The following BPNT2 variants were observed in gnomAD, a reference collection of about 807,000 sequenced individuals.
BPNT2 encodes the protein Golgi-resident adenosine 3',5'-bisphosphate 3'-phosphatase.
A neutral mutation model predicts 29.3 loss-of-function variants in BPNT2; 11 were observed. The ratio of observed to expected loss-of-function variants is 0.38; its 90% CI spans 0.24 to 0.62. The LOEUF is 0.62. BPNT2 is among the 20% of genes least tolerant of loss of function. The probability of loss-of-function intolerance (pLI) is 0.62; values close to 1 mark genes in which losing one functional copy is unlikely to be tolerated. For synonymous variants in BPNT2, 195 were observed against 187.7 expected (o/e 1.04, Z -0.32); for missense variants, 459 against 473.4 (o/e 0.97, Z 0.28).
At chr8:56,964,319 G>A (rs1339683634) in intron 4 of BPNT2, 8 of 320,440 alleles carry the variant, frequency 2.5e-5, no homozygotes, top group Non-Finnish European at 3.5e-5. Flanking sequence ...TATTTTTTGA[G>A]ACAGAGTCTC....
chr8:56,969,954 G>A (rs538863936), intron 3 of BPNT2, among the ~76,000 whole-genome samples: 7 of 152,184 alleles, frequency 4.6e-5, no homozygotes, highest in Admixed American at 2.0e-4. Context: ...CATTTATCCC[G>A]CTTTTCTAGA....
chr8:56,981,378 G>A (rs55659168), intron 1 of BPNT2, among the ~76,000 whole-genome samples: 31,681 of 152,044 alleles, frequency 0.21, 3,690 homozygotes, highest in East Asian at 0.45. Context: ...CATCCTGGCC[G>A]ACATGGTAAA....
At chr8:56,985,091 C>A (rs1806308143) in intron 1 of BPNT2, among the ~76,000 whole-genome samples, 1 of 151,908 alleles carries the variant, frequency 6.6e-6, no homozygotes, top group African/African-American at 2.4e-5. Flanking sequence ...GACCACCAGA[C>A]ACTCTCCCAG....
chr8:56,970,508 T>C (rs989239089), intron 3 of BPNT2, among the ~76,000 whole-genome samples: 24 of 152,208 alleles, frequency 1.6e-4, no homozygotes, highest in African/African-American at 4.6e-4. Context: ...GGGGTTGTTC[T>C]AGATTAAGAA....
intron 1 of BPNT2, among the ~76,000 whole-genome samples, chr8:56,986,994 TATAATACATATACACAC>T (rs1181895820): frequency 6.6e-6 from 1 of 152,202 alleles, no homozygotes; most frequent in Non-Finnish European, 1.5e-5. Flanking sequence ...TACATATACA[TATAATACATATACACAC>T]ATAAGTGTAT....
chr8:56,984,560 T>C (rs1806298290), intron 1 of BPNT2, among the ~76,000 whole-genome samples: 1 of 152,196 alleles, frequency 6.6e-6, no homozygotes, highest in South Asian at 2.1e-4. Flanking sequence ...TCTACAATAG[T>C]CCTCAATTGT....
chr8:56,986,119 T>C (rs887890655), intron 1 of BPNT2, among the ~76,000 whole-genome samples: 2 of 152,214 alleles, frequency 1.3e-5, no homozygotes, highest in African/African-American at 4.8e-5. Context: ...TCCTGACTAA[T>C]GCATTTTCCC....
chr8:56,975,665 C>T (rs537203619), intron 3 of BPNT2, among the ~76,000 whole-genome samples: 2 of 151,878 alleles, frequency 1.3e-5, no homozygotes, highest in South Asian at 2.1e-4. Context: ...ATTTTTTCAT[C>T]TATAAAAAAA....
At position 56,966,643 on chromosome 8, in the gene BPNT2, G is replaced by C. The variant is rs532863103; in HGVS notation, c.647-291C>G. Reference sequence around the variant, plus strand: ...CTTAAGGATTCCCATGCTCCACTGGGATGACACTGCAACTCCACTTCTCCC... The same window carrying C: ...CTTAAGGATTCCCATGCTCCACTGGCATGACACTGCAACTCCACTTCTCCC... On this transcript the variant is annotated intron_variant, in intron 3 of 4. Coordinates refer to ENST00000262644, the MANE Select transcript of BPNT2 (RefSeq NM_017813.5). Among the ~76,000 whole-genome samples, 6 of 152,286 alleles carry C rather than the reference G, an allele frequency of 3.9e-5. No individual in the cohort carries two copies. In the East Asian group the frequency reaches 9.7e-4, roughly 25 times the overall value.
intron 3 of BPNT2, among the ~76,000 whole-genome samples, chr8:56,966,771 G>A (rs1288990261): frequency 1.3e-5 from 2 of 152,036 alleles, no homozygotes. Flanking sequence ...TCTGATTCCT[G>A]GAGAACCCAA....
chr8:56,960,849 A>C lies in BPNT2; in HGVS notation c.*2944T>G, dbSNP rs1805821356. The C allele has an allele frequency of 6.6e-6, 1 of 152,220 alleles. No homozygotes were observed. Among genetic ancestry groups the C allele is most frequent in the South Asian group, 2.1e-4 (1 of 4,828 alleles). The allele number at this position is 152,220 out of a possible 1,614,324, so 9.4% of individuals were successfully genotyped here. A position where few individuals can be genotyped will look rare whatever the true frequency, so the allele number is the denominator to read the frequency against. On this transcript the variant is annotated 3_prime_UTR_variant, in exon 5 of 5. Transcript: ENST00000262644. ...CCTTTACTTTGTGAGGAGTCTTTGTAATCTAATAGTGAACTAGGCCTCCTC... is the reference window on the plus strand; with the variant it reads ...CCTTTACTTTGTGAGGAGTCTTTGTCATCTAATAGTGAACTAGGCCTCCTC...
In BPNT2 at chr8:56,989,288, C is replaced by T. The variant is rs541613627; in HGVS notation, c.387+3911G>A. On this transcript the variant is annotated intron_variant, in intron 1 of 4. Transcript: ENST00000262644. ...TTGGGAGGCTGAGGCAGGAGAATGG[C>T]ATGAACCTGGGAGGCAGAGCTTGCA... 4.6e-5 allele frequency among the ~76,000 whole-genome samples: 7 copies of T among 151,374 alleles called. No homozygotes were observed. The East Asian group carries it at 1.4e-3, about 30-fold the overall frequency.
intron 1 of BPNT2, 64 bp downstream of exon 1, chr8:56,993,135 T>TA (rs765510129): frequency 1.3e-6 from 2 of 1,550,602 alleles, no homozygotes; most frequent in Non-Finnish European, 1.7e-6. Context: ...CCCATACTGT[T>TA]AAGAGTCGAC....
chr8:56,976,078 G>T (rs1806128118), intron 3 of BPNT2, among the ~76,000 whole-genome samples: 4 of 152,152 alleles, frequency 2.6e-5, no homozygotes, highest in Admixed American at 2.0e-4. Context: ...CTAGGTTCTA[G>T]ATAGCAATGG....
chr8:56,983,933 T>TG (rs1284044150), intron 1 of BPNT2, among the ~76,000 whole-genome samples: 2 of 152,144 alleles, frequency 1.3e-5, no homozygotes, highest in Non-Finnish European at 2.9e-5. Context: ...AGTGTGGCAC[T>TG]GGTGAGGCAT....
In BPNT2 at chr8:56,993,688, G is replaced by C. The variant is rs1398125588; in HGVS notation, c.-103C>G. ...GCGCTCCGGGCCAGGCGCCGCGCGGGCTACACTGGCGCCCGCTCCCCGGCC... is the reference window on the plus strand; with the variant it reads ...GCGCTCCGGGCCAGGCGCCGCGCGGCCTACACTGGCGCCCGCTCCCCGGCC... On this transcript the variant is annotated 5_prime_UTR_variant, in exon 1 of 5. Transcript: ENST00000262644. 9.5e-7 allele frequency: 1 copy of C among 1,048,768 alleles called. No individual in the cohort carries two copies. The highest frequency in any genetic ancestry group is 1.7e-5 in the African/African-American group (1 of 58,548). The allele number at this position is 1,048,768 out of a possible 1,614,324, so 65.0% of individuals were successfully genotyped here. A position where few individuals can be genotyped will look rare whatever the true frequency, so the allele number is the denominator to read the frequency against.
At chr8:56,965,283 C>T (rs1344531116) in intron 4 of BPNT2, among the ~76,000 whole-genome samples, 1 of 152,154 alleles carries the variant, frequency 6.6e-6, no homozygotes, top group East Asian at 1.9e-4. Flanking sequence ...CACACCACTG[C>T]ACTCCAGCCT....
Position 56,993,648 on chromosome 8 carries a change from G to T in BPNT2, c.-63C>A. ...CAGGCCTCCAGCGCCCGCCGCCGCC[G>T]CCGCCGCAGCCGCCGCGCTCCGGGC... On this transcript the variant is annotated 5_prime_UTR_variant, in exon 1 of 5. Coordinates refer to ENST00000262644, the MANE Select transcript of BPNT2 (RefSeq NM_017813.5). The T allele has an allele frequency of 8.4e-7, 1 of 1,186,390 alleles. No individual in the cohort carries two copies. 73.5% of individuals were successfully genotyped at this position (1,186,390 alleles called of 1,614,324 possible).
At position 56,967,671 on chromosome 8, in the gene BPNT2, T is replaced by C. The variant is rs574058966; in HGVS notation, c.647-1319A>G. On this transcript the variant is annotated intron_variant, in intron 3 of 4. Coordinates refer to ENST00000262644, the MANE Select transcript of BPNT2 (RefSeq NM_017813.5). Reference sequence around the variant, plus strand: ...GCTTGGAGGAGATACGGGACCAGAATTGTAGTCTTGAGAACACCCTGGTGG... The same window carrying C: ...GCTTGGAGGAGATACGGGACCAGAACTGTAGTCTTGAGAACACCCTGGTGG... 2.0e-4 allele frequency among the ~76,000 whole-genome samples: 31 copies of C among 152,168 alleles called. No homozygotes were observed. The South Asian group carries it at 5.6e-3, about 28-fold the overall frequency.
Sources: gnomAD v4.1 joint callset for allele counts (sites outside exome capture counted in the v4.1 genomes callset) on GRCh38, gnomAD v4.1.1 for gene constraint, MANE v1.5 for transcripts, NCBI Gene and HGNC (gene_info 2026-07-23, HGNC 2026-07-21) for gene names.